The following DIAPH3 variants were observed in gnomAD, a reference collection of about 807,000 sequenced individuals.
The protein encoded by DIAPH3 is diaphanous related formin 3.
In DIAPH3, 117 loss-of-function variants were observed where a neutral mutation model predicts 144.3. The ratio of observed to expected loss-of-function variants is 0.81; its 90% CI spans 0.70 to 0.95. The LOEUF (loss-of-function observed/expected upper bound fraction) is 0.95, where lower values mean the gene tolerates loss of function less well. DIAPH3 is among the 40% of genes least tolerant of loss of function. DIAPH3 has a pLI of 0.00. For missense variants in DIAPH3, 1,421 were observed against 1,412.7 expected (o/e 1.01, Z -0.09); for synonymous variants, 519 against 488.9 (o/e 1.06, Z -0.81).
chr13:59,992,681 T>C, intron 9 of DIAPH3, 98 bp from the exon 10 acceptor site: 3 of 941,186 alleles, frequency 3.2e-6, no homozygotes, highest in South Asian at 1.4e-5. Context: ...TTATTAAATA[T>C]CTTTCCTATT....
chr13:59,838,151 A>G (rs1156241391), intron 23 of DIAPH3: 1 of 152,138 alleles, frequency 6.6e-6, no homozygotes, highest in Non-Finnish European at 1.5e-5. Context: ...TCTTTCATAC[A>G]GAATTCATTT....
At position 59,666,848 on chromosome 13, in the gene DIAPH3, T is replaced by C; in HGVS notation, c.3320-2A>G. The C allele has an allele frequency of 6.2e-7, 1 of 1,614,084 alleles. No individual in the cohort carries two copies. Among genetic ancestry groups the C allele is most frequent in the Non-Finnish European group, 8.5e-7 (1 of 1,179,962 alleles). ...CTGTCAACTGCACTTTCTGATTTTC[T>C]ACAGTAAGGAAAAAAGAAACATAAA... On this transcript the variant is annotated splice_acceptor_variant, in intron 27 of 27. Transcript: ENST00000400324. LOFTEE classifies it high-confidence loss of function.
At chr13:59,893,460 G>C (rs2045922571) in intron 20 of DIAPH3, among the ~76,000 whole-genome samples, 1 of 152,132 alleles carries the variant, frequency 6.6e-6, no homozygotes, top group Non-Finnish European at 1.5e-5. Flanking sequence ...AGTGGACCAG[G>C]TAAAGGTCAG....
At chr13:59,946,238 C>G (rs1339014637) in intron 17 of DIAPH3, among the ~76,000 whole-genome samples, 2 of 152,014 alleles carry the variant, frequency 1.3e-5, no homozygotes, top group Non-Finnish European at 2.9e-5. Context: ...TTACATGTTG[C>G]AAAGCATTGT....
chr13:59,708,114 G>A (rs2034531770), intron 27 of DIAPH3, among the ~76,000 whole-genome samples: 1 of 151,060 alleles, frequency 6.6e-6, no homozygotes, highest in South Asian at 2.1e-4. Flanking sequence ...CCAAGCTGGT[G>A]TGCAGCAGCA....
chr13:59,837,671 A>G (rs2042108568), intron 23 of DIAPH3: 1 of 152,090 alleles, frequency 6.6e-6, no homozygotes, highest in Non-Finnish European at 1.5e-5. Flanking sequence ...ATGATGAAAC[A>G]TATAACTGCA....
At chr13:60,019,397 GA>G (rs1416803759) in intron 5 of DIAPH3, among the ~76,000 whole-genome samples, 1 of 152,122 alleles carries the variant, frequency 6.6e-6, no homozygotes, top group Non-Finnish European at 1.5e-5. Context: ...AGATCAGTAT[GA>G]CATTTGTATC....
chr13:60,135,874 A>C (rs912670353), intron 1 of DIAPH3, among the ~76,000 whole-genome samples: 1 of 152,228 alleles, frequency 6.6e-6, no homozygotes. Context: ...ATCATAGTTT[A>C]CTTTAAACGT....
intron 17 of DIAPH3, among the ~76,000 whole-genome samples, chr13:59,948,926 T>G (rs965550433): frequency 1.3e-5 from 2 of 152,016 alleles, no homozygotes; most frequent in Non-Finnish European, 2.9e-5. Flanking sequence ...AAATTTCATT[T>G]AAAGATCTAA....
At chr13:59,776,445 AT>A in intron 25 of DIAPH3, among the ~76,000 whole-genome samples, 1 of 152,258 alleles carries the variant, frequency 6.6e-6, no homozygotes, top group South Asian at 2.1e-4. Context: ...ATTCAACTAT[AT>A]TTTTCCTTAA....
chr13:59,774,363 G>C, intron 26 of DIAPH3, 115 bp from the exon 27 acceptor site: 1 of 819,864 alleles, frequency 1.2e-6, no homozygotes. Context: ...GCAAAGTAAT[G>C]CTTCAATATC....
At chr13:59,712,219 C>G (rs1263537139) in intron 27 of DIAPH3, among the ~76,000 whole-genome samples, 1 of 152,210 alleles carries the variant, frequency 6.6e-6, no homozygotes, top group Admixed American at 6.5e-5. Context: ...TGACACTGCA[C>G]TCTTGGGGCA....
At chr13:59,895,468 T>C (rs2046040069) in intron 20 of DIAPH3, among the ~76,000 whole-genome samples, 3 of 148,686 alleles carry the variant, frequency 2.0e-5, no homozygotes, top group African/African-American at 4.9e-5. Flanking sequence ...ATTTATCTTG[T>C]GAAAAGAGCC....
At chr13:59,937,606 A>G (rs2083446907) in intron 17 of DIAPH3, among the ~76,000 whole-genome samples, 1 of 152,242 alleles carries the variant, frequency 6.6e-6, no homozygotes, top group African/African-American at 2.4e-5. Context: ...CACAATCATC[A>G]AAACAGCCAG....
rs181019411 is a variant in DIAPH3, at chr13:59,672,876, C to T, written c.3320-6030G>A. ...AAACAAACAACTAAACAAAACAATA[C>T]TCCCCCTATCTAAACACAGTATGCA... is the stretch of plus-strand genomic sequence containing the variant. On this transcript the variant is annotated intron_variant, in intron 27 of 27. Transcript: ENST00000400324. Among the ~76,000 whole-genome samples the T allele has an allele frequency of 8.3e-4, 126 of 152,316 alleles. No homozygotes were observed. In the Middle Eastern group the frequency reaches 0.01, roughly 12 times the overall value.
intron 17 of DIAPH3, among the ~76,000 whole-genome samples, chr13:59,931,143 C>T (rs561618580): frequency 1.1e-3 from 164 of 152,258 alleles, no homozygotes; most frequent in African/African-American, 3.5e-3. Flanking sequence ...TCAAGTCAAA[C>T]GCTTGAATTT....
intron 16 of DIAPH3, 133 bp downstream of exon 16, chr13:59,970,719 A>G (rs2050316421): frequency 1.3e-6 from 1 of 785,524 alleles, no homozygotes; most frequent in Non-Finnish European, 1.9e-6. Context: ...TTGATTAGTG[A>G]CATTAGAAAT....
At chr13:59,715,787 C>A (rs2035019623) in intron 27 of DIAPH3, among the ~76,000 whole-genome samples, 1 of 152,064 alleles carries the variant, frequency 6.6e-6, no homozygotes, top group African/African-American at 2.4e-5. Context: ...TCATTTTTTT[C>A]TTTCTCTAAG....
chr13:60,066,939 T>A (rs1019022372), intron 4 of DIAPH3, among the ~76,000 whole-genome samples: 51 of 152,322 alleles, frequency 3.3e-4, no homozygotes, highest in African/African-American at 1.2e-3. Flanking sequence ...AGGAACTATA[T>A]GTTTATGGAA....
Sources: gnomAD v4.1 joint callset for allele counts (sites outside exome capture counted in the v4.1 genomes callset) on GRCh38, gnomAD v4.1.1 for gene constraint, MANE v1.5 for transcripts, NCBI Gene and HGNC (gene_info 2026-07-23, HGNC 2026-07-21) for gene names.